Variants in HPSE2 observed in about 807,000 individuals in gnomAD.
HPSE2 encodes heparanase 2 (inactive), also known as inactive heparanase-2.
A neutral mutation model predicts 60.5 loss-of-function variants in HPSE2; 38 were observed. That is an observed-to-expected ratio of 0.63 (90% CI 0.48 to 0.82). The LOEUF (loss-of-function observed/expected upper bound fraction) is 0.82. HPSE2 is among the 40% of genes least tolerant of loss of function. The probability of loss-of-function intolerance (pLI) is 0.00; values close to 1 mark genes in which losing one functional copy is unlikely to be tolerated. For synonymous variants in HPSE2, 295 were observed against 293.2 expected (o/e 1.01, Z -0.06); for missense variants, 713 against 740.4 (o/e 0.96, Z 0.43).
chr10:98,911,618 G>A (rs1953981444), intron 3 of HPSE2, among the ~76,000 whole-genome samples: 1 of 152,100 alleles, frequency 6.6e-6, no homozygotes, highest in Non-Finnish European at 1.5e-5. Flanking sequence ...GGGCAGGAGA[G>A]TAATCAGAGA....
intron 3 of HPSE2, among the ~76,000 whole-genome samples, chr10:98,763,299 T>G (rs543165828): frequency 2.2e-4 from 34 of 152,130 alleles, no homozygotes; most frequent in African/African-American, 7.9e-4. Context: ...AGTTGAAAAC[T>G]TCCCAAATTT....
At chr10:98,631,820 G>A (rs140876220) in intron 7 of HPSE2, among the ~76,000 whole-genome samples, 2 of 152,252 alleles carry the variant, frequency 1.3e-5, no homozygotes, top group Non-Finnish European at 2.9e-5. Context: ...AAGTCTTGTC[G>A]TCTTCCACTA....
At chr10:99,203,740 A>C (rs1252314311) in intron 2 of HPSE2, among the ~76,000 whole-genome samples, 1 of 151,834 alleles carries the variant, frequency 6.6e-6, no homozygotes, top group African/African-American at 2.4e-5. Flanking sequence ...GGCTGGCCCT[A>C]GTGGACCCAG....
At chr10:99,068,051 T>C (rs1215979258) in intron 3 of HPSE2, among the ~76,000 whole-genome samples, 1 of 152,118 alleles carries the variant, frequency 6.6e-6, no homozygotes, top group Non-Finnish European at 1.5e-5. Flanking sequence ...TTTACTCCAG[T>C]TCCCAACAAG....
intron 11 of HPSE2, among the ~76,000 whole-genome samples, chr10:98,479,414 T>A (rs1411078992): frequency 6.6e-6 from 1 of 152,212 alleles, no homozygotes; most frequent in Non-Finnish European, 1.5e-5. Flanking sequence ...CACCAAAGGC[T>A]GAAATCACTT....
chr10:98,999,871 A>C (rs973175170), intron 3 of HPSE2, among the ~76,000 whole-genome samples: 1 of 152,176 alleles, frequency 6.6e-6, no homozygotes, highest in Non-Finnish European at 1.5e-5. Context: ...GAGCCACTAT[A>C]GTTCTTTGAA....
At chr10:98,608,220 T>TAG (rs1164161370) in intron 9 of HPSE2, among the ~76,000 whole-genome samples, 1 of 152,346 alleles carries the variant, frequency 6.6e-6, no homozygotes, top group South Asian at 2.1e-4. Flanking sequence ...TCCCTGTCTC[T>TAG]AACACCAGCA....
Position 98,882,353 on chromosome 10 carries a change from C to A in HPSE2, c.611-138297G>T, listed in dbSNP as rs757991440. Among the ~76,000 whole-genome samples the A allele has an allele frequency of 3.3e-5, 5 of 152,058 alleles. No homozygotes were observed. In the South Asian group the frequency reaches 8.3e-4, roughly 25 times the overall value. On this transcript the variant is annotated intron_variant, in intron 3 of 11. Transcript: ENST00000370552. ...ATTGTGGCAATAATTGATTAATATA[C>A]TAACAGACAACCTCAAAGTCTCGAT...
At chr10:98,792,608 T>A (rs1329369354) in intron 3 of HPSE2, among the ~76,000 whole-genome samples, 1 of 147,844 alleles carries the variant, frequency 6.8e-6, no homozygotes, top group Non-Finnish European at 1.5e-5. Flanking sequence ...TTTAAAAGAG[T>A]CTAATGAAGC....
At chr10:99,100,156 A>T (rs1392673202) in intron 3 of HPSE2, among the ~76,000 whole-genome samples, 2 of 152,220 alleles carry the variant, frequency 1.3e-5, no homozygotes, top group Non-Finnish European at 2.9e-5. Context: ...GACTTTGACA[A>T]GTTGAGAGAA....
upstream of HPSE2, among the ~76,000 whole-genome samples, chr10:99,240,560 G>A (rs1180155106): frequency 6.6e-6 from 1 of 151,940 alleles, no homozygotes; most frequent in Non-Finnish European, 1.5e-5. Flanking sequence ...ACAGGCACCT[G>A]CCACCATGCC....
chr10:99,132,222 A>G (rs1350543616), intron 3 of HPSE2, among the ~76,000 whole-genome samples: 1 of 41,422 alleles, frequency 2.4e-5, no homozygotes, highest in Admixed American at 2.7e-4. Context: ...AGAGAGAGAG[A>G]GAGAGAGAGA....
At chr10:98,479,033 T>C (rs1941132658) in intron 11 of HPSE2, among the ~76,000 whole-genome samples, 1 of 152,202 alleles carries the variant, frequency 6.6e-6, no homozygotes, top group Non-Finnish European at 1.5e-5. Flanking sequence ...TGTGTGATAC[T>C]TGACATACCT....
At position 98,933,671 on chromosome 10, in the gene HPSE2, C is replaced by T. The variant is rs557054827; in HGVS notation, c.611-189615G>A. Among the ~76,000 whole-genome samples the T allele has an allele frequency of 6.5e-4, 94 of 143,572 alleles. 16 individuals are homozygous for T. The highest frequency in any genetic ancestry group is 2.6e-3 in the African/African-American group (91 of 35,222). 94.2% of individuals were successfully genotyped at this position (143,572 alleles called of 152,430 possible). A position where few individuals can be genotyped will look rare whatever the true frequency, so the allele number is the denominator to read the frequency against. Reference sequence around the variant, plus strand: ...GTGCATATATATTTAGGGTAGTTAGCTCTTCGTGTTGAATTGAACACTTTA... The same window carrying T: ...GTGCATATATATTTAGGGTAGTTAGTTCTTCGTGTTGAATTGAACACTTTA... On this transcript the variant is annotated intron_variant, in intron 3 of 11. Transcript: ENST00000370552.
At chr10:99,010,764 TA>T (rs1157986716) in intron 3 of HPSE2, among the ~76,000 whole-genome samples, 10 of 152,162 alleles carry the variant, frequency 6.6e-5, no homozygotes, top group African/African-American at 2.4e-4. Context: ...AATAAAATAT[TA>T]GTCAAATACT....
At chr10:99,143,171 A>G (rs1013446405) in intron 3 of HPSE2, among the ~76,000 whole-genome samples, 2 of 152,186 alleles carry the variant, frequency 1.3e-5, no homozygotes, top group African/African-American at 4.8e-5. Context: ...TATACTTATG[A>G]AATCCATAAT....
At chr10:99,234,343 G>A (rs1297456254) in intron 1 of HPSE2, among the ~76,000 whole-genome samples, 1 of 152,198 alleles carries the variant, frequency 6.6e-6, no homozygotes, top group East Asian at 1.9e-4. Flanking sequence ...ACAACCCCAA[G>A]AGCTGAGAGG....
At chr10:98,475,706 G>T (rs1160934797) in intron 11 of HPSE2, among the ~76,000 whole-genome samples, 1 of 128,212 alleles carries the variant, frequency 7.8e-6, no homozygotes, top group Non-Finnish European at 1.6e-5. Flanking sequence ...GTCATTGCTG[G>T]TTTTTAATAA....
chr10:99,217,695 C>A (rs1302644916), intron 2 of HPSE2, among the ~76,000 whole-genome samples: 1 of 151,956 alleles, frequency 6.6e-6, no homozygotes, highest in Non-Finnish European at 1.5e-5. Context: ...CTAAAGCAAT[C>A]CTCCCGCCTC....
Sources: allele counts gnomAD v4.1 joint callset (sites outside exome capture counted in the v4.1 genomes callset), GRCh38; gene constraint gnomAD v4.1.1; transcripts MANE v1.5; gene names NCBI Gene and HGNC (gene_info 2026-07-23, HGNC 2026-07-21).